DMD: variants seen among roughly 807,000 people sequenced by gnomAD.
DMD encodes dystrophin.
DMD carries 63 observed loss-of-function variants against 330.1 expected under a neutral mutation model. The observed-to-expected ratio is 0.19, with a 90% CI of 0.16 to 0.24. The LOEUF is 0.24. DMD is among the 10% of genes least tolerant of loss of function. The pLI is 1.00. For missense variants in DMD, 3,344 were observed against 2,684.1 expected, an observed-to-expected ratio of 1.25 and a Z score of -5.43; for synonymous variants, 1,223 against 959.8, an observed-to-expected ratio of 1.27 and a Z score of -5.07.
chrX:31,830,093 T>C (rs1263317805), intron 49 of DMD, among the ~76,000 whole-genome samples: 1 of 112,362 alleles, frequency 8.9e-6, no homozygotes, highest in African/African-American at 3.2e-5. Context: ...TCAAGAGATG[T>C]GATGCTTACA....
intron 23 of DMD, among the ~76,000 whole-genome samples, chrX:32,466,010 T>C (rs902408444): frequency 3.6e-5 from 4 of 111,546 alleles, no homozygotes; most frequent in Non-Finnish European, 7.5e-5. Flanking sequence ...CCTCTCATCT[T>C]GGGAATGTTT....
At chrX:33,193,659 A>C (rs760149518) in intron 1 of DMD, among the ~76,000 whole-genome samples, 1 of 112,523 alleles carries the variant, frequency 8.9e-6, no homozygotes, top group South Asian at 3.7e-4. Context: ...ACGCGCATGC[A>C]AAACTCAAAT....
In DMD at chrX:32,190,550, T is replaced by TTAGAGATATATATA. The variant is rs1198323604; in HGVS notation, c.6438+26365_6438+26366insTATATATATCTCTA. Among the ~76,000 whole-genome samples, 3 of 62,534 alleles carry TTAGAGATATATATA rather than the reference T, an allele frequency of 4.8e-5. No individual in the cohort carries two copies. In the Admixed American group the frequency reaches 5.6e-4, roughly 12 times the overall value. 54.3% of individuals were successfully genotyped at this position (62,534 alleles called of 115,157 possible). The stretch of plus-strand genomic sequence containing the variant: ...ATTCTAGCTAACCATATTTAAAATT[T>TTAGAGATATATATA]TATATATATATATATATATATATAT... On this transcript the variant is annotated intron_variant, in intron 44 of 78. Transcript: ENST00000357033.
chrX:31,665,217 G>T lies in DMD; in HGVS notation c.7873-7073C>A, dbSNP rs927970674. On this transcript the variant is annotated intron_variant, in intron 53 of 78. Transcript: ENST00000357033. ...ACTGGGTTTATTTTAACTGAGCTTT[G>T]AAGAATATAAAACAATCTTGATGAT... 7.2e-5 allele frequency among the ~76,000 whole-genome samples: 8 copies of T among 111,577 alleles called. No homozygotes were observed. The Admixed American group carries it at 7.6e-4, about 11-fold the overall frequency.
chrX:32,195,621 T>G (rs2096996176), intron 44 of DMD, among the ~76,000 whole-genome samples: 1 of 112,635 alleles, frequency 8.9e-6, no homozygotes, highest in African/African-American at 3.2e-5. Context: ...ATGTACATTT[T>G]GTGGGAAGAA....
intron 7 of DMD, among the ~76,000 whole-genome samples, chrX:32,732,399 G>A (rs953464473): frequency 5.4e-5 from 6 of 110,220 alleles, no homozygotes; most frequent in African/African-American, 2.0e-4. Flanking sequence ...TCAGATTCAG[G>A]AAATACAGAG....
chrX:32,983,555 A>C, intron 2 of DMD, among the ~76,000 whole-genome samples: 1 of 92,382 alleles, frequency 1.1e-5, no homozygotes, highest in South Asian at 5.3e-4. Flanking sequence ...ACACACACAC[A>C]CACACACACA....
chrX:33,315,611 G>A (rs886994963), intron 1 of DMD, among the ~76,000 whole-genome samples: 3 of 112,161 alleles, frequency 2.7e-5, no homozygotes, highest in Admixed American at 9.4e-5. Flanking sequence ...TCCTGAACCC[G>A]GTTGTATGCA....
chrX:31,246,931 GAA>G (rs375712431), intron 63 of DMD, among the ~76,000 whole-genome samples: 2 of 99,923 alleles, frequency 2.0e-5, no homozygotes, highest in Non-Finnish European at 2.0e-5. Context: ...GTCTTGGAAG[GAA>G]AAAAAAAAAA....
intron 1 of DMD, among the ~76,000 whole-genome samples, chrX:33,204,102 C>G (rs1288320567): frequency 8.9e-6 from 1 of 112,123 alleles, no homozygotes; most frequent in African/African-American, 3.2e-5. Context: ...AGTCCTTCAT[C>G]TACCCTAGGC....
chrX:32,845,551 A>G (rs1042103878), intron 3 of DMD, among the ~76,000 whole-genome samples: 1 of 111,733 alleles, frequency 8.9e-6, no homozygotes, highest in East Asian at 2.8e-4. Flanking sequence ...GCTATTGCCC[A>G]GAGAAATCTA....
intron 7 of DMD, among the ~76,000 whole-genome samples, chrX:32,722,455 G>A (rs2066428926): frequency 9.1e-6 from 1 of 110,360 alleles, no homozygotes; most frequent in Admixed American, 9.7e-5. Context: ...TTTTGTATAA[G>A]GGATTTAAGC....
At chrX:32,998,066 A>C (rs1435018547) in intron 2 of DMD, among the ~76,000 whole-genome samples, 1 of 110,462 alleles carries the variant, frequency 9.1e-6, no homozygotes, top group Admixed American at 9.7e-5. Context: ...CCCAGTTAAG[A>C]AATAAAGGTA....
At chrX:31,632,780 T>C (rs2079201838) in intron 54 of DMD, among the ~76,000 whole-genome samples, 1 of 112,083 alleles carries the variant, frequency 8.9e-6, no homozygotes, top group African/African-American at 3.2e-5. Context: ...TTCCTACTAG[T>C]TTGCTAGTAA....
chrX:33,101,814 T>A (rs2095242515), intron 1 of DMD, among the ~76,000 whole-genome samples: 1 of 112,057 alleles, frequency 8.9e-6, no homozygotes, highest in African/African-American at 3.2e-5. Flanking sequence ...TTTTTTCTCT[T>A]TTTTAAATTA....
chrX:32,029,656 G>A (rs2095870475), intron 44 of DMD, among the ~76,000 whole-genome samples: 1 of 111,733 alleles, frequency 8.9e-6, no homozygotes, highest in African/African-American at 3.2e-5. Flanking sequence ...GACAATTCTT[G>A]TACTGAATGA....
At chrX:32,808,132 C>T (rs750747998) in intron 7 of DMD, among the ~76,000 whole-genome samples, 4 of 111,157 alleles carry the variant, frequency 3.6e-5, no homozygotes, top group South Asian at 3.8e-4. Flanking sequence ...AAACTAAGGA[C>T]GTAGGATTAA....
chrX:32,850,225 A>AT (rs1296565143), intron 2 of DMD, among the ~76,000 whole-genome samples: 2 of 111,784 alleles, frequency 1.8e-5, no homozygotes, highest in African/African-American at 6.5e-5. Context: ...TTCTTGGAAT[A>AT]TACCAGTCAG....
intron 47 of DMD, among the ~76,000 whole-genome samples, chrX:31,896,911 T>C (rs1239201337): frequency 5.4e-5 from 6 of 110,868 alleles, no homozygotes; most frequent in Non-Finnish European, 1.1e-4. Flanking sequence ...TTTCTTTGCT[T>C]TTTTCTTTTT....
Sources: gnomAD v4.1 joint callset for allele counts (sites outside exome capture counted in the v4.1 genomes callset) on GRCh38, gnomAD v4.1.1 for gene constraint, MANE v1.5 for transcripts, NCBI Gene and HGNC (gene_info 2026-07-23, HGNC 2026-07-21) for gene names.